THAP6: variants seen among roughly 807,000 people sequenced by gnomAD.
THAP6 encodes THAP domain containing 6.
In THAP6, 13 loss-of-function variants were observed where a neutral mutation model predicts 20.0. That is an observed-to-expected ratio of 0.65 (90% CI 0.42 to 1.03). The LOEUF is 1.03. Ranked by LOEUF, THAP6 falls within the 50% of genes least tolerant of loss-of-function variation. The pLI is 0.00. For synonymous variants in THAP6, 93 were observed against 92.2 expected, an observed-to-expected ratio of 1.01 and a Z score of -0.05; for missense variants, 262 against 261.6, an observed-to-expected ratio of 1.00 and a Z score of -0.01.
At position 75,528,603 on chromosome 4, in the gene THAP6, C is replaced by G. The variant is rs1726521519; in HGVS notation, c.*1389C>G. On this transcript the variant is annotated 3_prime_UTR_variant, in exon 5 of 5. Coordinates refer to ENST00000311638, the MANE Select transcript of THAP6 (RefSeq NM_144721.6). Reference sequence around the variant, plus strand: ...TGAATTTTTTGTATTTAAGAATTTTCTGTTTTAATGCATGTTATACTTTTA... The same window carrying G: ...TGAATTTTTTGTATTTAAGAATTTTGTGTTTTAATGCATGTTATACTTTTA... The G allele has an allele frequency of 2.0e-6, 2 of 984,244 alleles. No individual in the cohort carries two copies. The highest frequency in any genetic ancestry group is 3.5e-5 in the African/African-American group (2 of 57,154). The allele number at this position is 984,244 out of a possible 1,614,324, so 61.0% of individuals were successfully genotyped here. A position where few individuals can be genotyped will look rare whatever the true frequency, so the allele number is the denominator to read the frequency against.
At chr4:75,540,232 A>G (rs894349584) in intron 2 of THAP6, among the ~76,000 whole-genome samples, 2 of 152,226 alleles carry the variant, frequency 1.3e-5, no homozygotes, top group African/African-American at 2.4e-5. Context: ...TAGATCGACT[A>G]CATCACAAAG....
chr4:75,526,697 A>T (rs942918530), intron 4 of THAP6, among the ~76,000 whole-genome samples: 1 of 152,232 alleles, frequency 6.6e-6, no homozygotes, highest in African/African-American at 2.4e-5. Context: ...TGCAAGTGTC[A>T]TGCTATTCAT....
At chr4:75,516,440 A>G (rs557525502) in intron 2 of THAP6, among the ~76,000 whole-genome samples, 1 of 152,352 alleles carries the variant, frequency 6.6e-6, no homozygotes, top group African/African-American at 2.4e-5. Context: ...GAAAAGGCCC[A>G]AGTGATAATT....
chr4:75,519,256 A>G (rs1166366570), intron 3 of THAP6, among the ~76,000 whole-genome samples: 1 of 151,804 alleles, frequency 6.6e-6, no homozygotes, highest in Non-Finnish European at 1.5e-5. Flanking sequence ...TACTATTGAT[A>G]AATGTTTGGG....
In THAP6 at chr4:75,527,678, A is replaced by G. The variant is rs1726467079; in HGVS notation, c.*464A>G. 8.1e-6 allele frequency: 8 copies of G among 992,694 alleles called. No homozygotes were observed. The highest frequency in any genetic ancestry group is 3.5e-5 in the African/African-American group (2 of 57,280). 61.5% of individuals were successfully genotyped at this position (992,694 alleles called of 1,614,324 possible). On this transcript the variant is annotated 3_prime_UTR_variant, in exon 5 of 5. Coordinates refer to ENST00000311638, the MANE Select transcript of THAP6 (RefSeq NM_144721.6). ...TGTAATGCATATCCATCTTGGATTC[A>G]ATCCAAGGTGCTTTAGCTATCAGTA...
In THAP6 at chr4:75,516,770, A is replaced by G. The variant is rs953322349; in HGVS notation, c.81-2A>G. 1 of 1,605,426 alleles carries G rather than the reference A, an allele frequency of 6.2e-7. No individual in the cohort carries two copies. The highest frequency in any genetic ancestry group is 8.5e-7 in the Non-Finnish European group (1 of 1,176,610). On this transcript the variant is annotated splice_acceptor_variant, in intron 2 of 4. Transcript: ENST00000311638. LOFTEE classifies it high-confidence loss of function. Reference sequence around the variant, plus strand: ...AAAATATTTTTTGTATTTTTTTTCTAGATTCCCCACAGATGAAAACATCAA... The same window carrying G: ...AAAATATTTTTTGTATTTTTTTTCTGGATTCCCCACAGATGAAAACATCAA...
Position 75,517,101 on chromosome 4 carries a change from C to A in THAP6, c.288+122C>A, listed in dbSNP as rs149149694. On this transcript the variant is annotated intron_variant, in intron 3 of 4. Coordinates refer to ENST00000311638, the MANE Select transcript of THAP6 (RefSeq NM_144721.6). ...TGGCGCGATCTCAGCTCACTGCAAT[C>A]TCTGCCTCCAGGGTTTAAGCAATTC... 6 of 704,346 alleles carry A rather than the reference C, an allele frequency of 8.5e-6. No individual in the cohort carries two copies. In the African/African-American group the frequency reaches 9.3e-5, roughly 11 times the overall value. 43.6% of individuals were successfully genotyped at this position (704,346 alleles called of 1,614,324 possible).
At chr4:75,524,477 G>A (rs955760515) in intron 4 of THAP6, among the ~76,000 whole-genome samples, 8 of 151,964 alleles carry the variant, frequency 5.3e-5, no homozygotes, top group Non-Finnish European at 1.2e-4. Flanking sequence ...ATTTCCTATA[G>A]TGCAACTATG....
At chr4:75,531,280 G>C (rs1405386940), downstream of THAP6, among the ~76,000 whole-genome samples, 1 of 152,196 alleles carries the variant, frequency 6.6e-6, no homozygotes, top group Non-Finnish European at 1.5e-5. Flanking sequence ...TCTTTAATGA[G>C]CTTCCCTGGT....
chr4:75,515,595 C>T (rs1725535282), intron 2 of THAP6, 63 bp downstream of exon 2: 1 of 1,519,732 alleles, frequency 6.6e-7, no homozygotes, highest in South Asian at 1.1e-5. Flanking sequence ...AAAGACAGTT[C>T]TACTTAAGTC....
chr4:75,540,485 G>T (rs1244267013), intron 2 of THAP6, among the ~76,000 whole-genome samples: 1 of 152,194 alleles, frequency 6.6e-6, no homozygotes, highest in Non-Finnish European at 1.5e-5. Context: ...TCAGTTAACA[G>T]CAGAGGAGTT....
At chr4:75,518,351 T>G (rs1725796099) in intron 3 of THAP6, among the ~76,000 whole-genome samples, 1 of 152,244 alleles carries the variant, frequency 6.6e-6, no homozygotes, top group African/African-American at 2.4e-5. Context: ...TTGATCTGTA[T>G]CTTTGTAATT....
At position 75,527,939 on chromosome 4, in the gene THAP6, C is replaced by T. The variant is rs2126854; in HGVS notation, c.*725C>T. The T allele has an allele frequency of 0.21, 206,547 of 985,140 alleles. 21,777 individuals carry two copies. Among genetic ancestry groups the T allele is most frequent in the Middle Eastern group, 0.3 (577 of 1,914 alleles). 61.0% of individuals were successfully genotyped at this position (985,140 alleles called of 1,614,324 possible). On this transcript the variant is annotated 3_prime_UTR_variant, in exon 5 of 5. Coordinates refer to ENST00000311638, the MANE Select transcript of THAP6 (RefSeq NM_144721.6). ...TCTGATTTTTAAATGGTTGGTTGCT[C>T]TGACAGATCTGAACACTTTGCTTCA...
chr4:75,518,173 A>G (rs1220425419), intron 3 of THAP6, among the ~76,000 whole-genome samples: 1 of 152,192 alleles, frequency 6.6e-6, no homozygotes, highest in East Asian at 1.9e-4. Context: ...CCGTAATGTT[A>G]AGGGGACCTT....
intron 2 of THAP6, among the ~76,000 whole-genome samples, chr4:75,536,628 G>A (rs984817835): frequency 3.9e-5 from 6 of 152,108 alleles, no homozygotes; most frequent in African/African-American, 1.2e-4. Context: ...GGGCTCAAGC[G>A]ATCCTCCCAC....
chr4:75,537,704 G>C (rs1726902382), intron 2 of THAP6, among the ~76,000 whole-genome samples: 1 of 152,134 alleles, frequency 6.6e-6, no homozygotes, highest in Non-Finnish European at 1.5e-5. Context: ...TTAAATTAAG[G>C]ATCTAAAATA....
At chr4:75,526,906 T>C in intron 4 of THAP6, 54 bp from the exon 5 acceptor site, 1 of 1,579,208 alleles carries the variant, frequency 6.3e-7, no homozygotes, top group South Asian at 1.2e-5. Flanking sequence ...AGTTATAAGC[T>C]TTTATCCAAC....
At position 75,528,729 on chromosome 4, in the gene THAP6, C is replaced by G. The variant is rs1372970368; in HGVS notation, c.*1515C>G. The stretch of plus-strand genomic sequence containing the variant: ...CACTGAGGCCATATCTTTTTACAAT[C>G]TGAAAAAAAAGTAGTAAAAAGGTAG... On this transcript the variant is annotated 3_prime_UTR_variant, in exon 5 of 5. Coordinates refer to ENST00000311638, the MANE Select transcript of THAP6 (RefSeq NM_144721.6). 6.2e-5 allele frequency: 59 copies of G among 950,522 alleles called. No homozygotes were observed. The highest frequency in any genetic ancestry group is 6.8e-5 in the Non-Finnish European group (55 of 803,226). 58.9% of individuals were successfully genotyped at this position (950,522 alleles called of 1,614,324 possible).
chr4:75,537,893 A>C (rs1726907400), intron 2 of THAP6, among the ~76,000 whole-genome samples: 1 of 152,232 alleles, frequency 6.6e-6, no homozygotes, highest in Non-Finnish European at 1.5e-5. Flanking sequence ...CCCAGAGAGC[A>C]TCCAGAGGGA....
Sources: allele counts gnomAD v4.1 joint callset (sites outside exome capture counted in the v4.1 genomes callset), GRCh38; gene constraint gnomAD v4.1.1; transcripts MANE v1.5; gene names NCBI Gene and HGNC (gene_info 2026-07-23, HGNC 2026-07-21).